The following DDAH1 variants were observed in gnomAD, a reference collection of about 807,000 sequenced individuals.
DDAH1 encodes the protein N(G),N(G)-dimethylarginine dimethylaminohydrolase 1.
Under a neutral mutation model 28.8 loss-of-function variants are expected in DDAH1, and 19 were observed. The ratio of observed to expected loss-of-function variants is 0.66; its 90% CI spans 0.46 to 0.97. DDAH1 has a LOEUF of 0.97. DDAH1 is among the 50% of genes least tolerant of loss of function. The pLI, the probability that DDAH1 is intolerant of heterozygous loss-of-function variation, is 0.00. For missense variants in DDAH1, 326 were observed against 375.9 expected (o/e 0.87, Z 1.10); for synonymous variants, 153 against 154.4 (o/e 0.99, Z 0.07).
chr1:85,360,300 C>A (rs899551623), intron 1 of DDAH1, among the ~76,000 whole-genome samples: 1 of 152,106 alleles, frequency 6.6e-6, no homozygotes, highest in Admixed American at 6.5e-5. Context: ...TGACTCAGAA[C>A]AATAAAAAAT....
At chr1:85,400,377 T>A (rs958097575) in intron 1 of DDAH1, among the ~76,000 whole-genome samples, 2 of 151,698 alleles carry the variant, frequency 1.3e-5, no homozygotes, top group Admixed American at 6.6e-5. Flanking sequence ...TTGTTTTTTG[T>A]ATTTTTAGTA....
At chr1:85,349,928 TATTATTCC>T (rs1220582092) in intron 4 of DDAH1, among the ~76,000 whole-genome samples, 1 of 152,214 alleles carries the variant, frequency 6.6e-6, no homozygotes, top group Non-Finnish European at 1.5e-5. Flanking sequence ...CTTAAAATGT[TATTATTCC>T]AAATGCAAAT....
At chr1:85,517,003 T>G (rs1295898503) in intron 1 of DDAH1, among the ~76,000 whole-genome samples, 1 of 151,572 alleles carries the variant, frequency 6.6e-6, no homozygotes, top group East Asian at 1.9e-4. Flanking sequence ...ATCATTCTAC[T>G]ACTATATAGC....
chr1:85,527,235 T>A (rs1657903155), intron 1 of DDAH1, among the ~76,000 whole-genome samples: 1 of 152,154 alleles, frequency 6.6e-6, no homozygotes, highest in South Asian at 2.1e-4. Flanking sequence ...AAAGCGAGTT[T>A]GATGGACTCT....
At position 85,428,509 on chromosome 1, in the gene DDAH1, C is replaced by T. The variant is rs181549107; in HGVS notation, c.303+36234G>A. ...CTCCCACCTGGTCCCTCCCATGGCA[C>T]GTGGGAATTATGGGAGCTACAAATT... is the stretch of plus-strand genomic sequence containing the variant. On this transcript the variant is annotated intron_variant, in intron 1 of 5. Transcript: ENST00000284031. 1.5e-3 allele frequency among the ~76,000 whole-genome samples: 234 copies of T among 152,222 alleles called. 1 individual carries two copies. Among genetic ancestry groups the T allele is most frequent in the South Asian group, 0.013 (62 of 4,824 alleles).
At chr1:85,382,281 AT>A (rs1020046757) in intron 1 of DDAH1, among the ~76,000 whole-genome samples, 2 of 152,220 alleles carry the variant, frequency 1.3e-5, no homozygotes, top group African/African-American at 2.4e-5. Flanking sequence ...TGGATGGAAG[AT>A]CAAACCAGCC....
rs1651940362 is a variant in DDAH1 at position 85,398,939 on chromosome 1, G to C, written c.304-40092C>G. The C allele has an allele frequency of 2.6e-5, 4 of 152,216 alleles. No homozygotes were observed. In the South Asian group the frequency reaches 8.3e-4, roughly 32 times the overall value. 9.4% of individuals were successfully genotyped at this position (152,216 alleles called of 1,614,324 possible). A position where few individuals can be genotyped will look rare whatever the true frequency, so the allele number is the denominator to read the frequency against. On this transcript the variant is annotated intron_variant, in intron 1 of 5. Transcript: ENST00000284031. ...CATCCCTAATATCCCTAATGCAACTGTTTGTTCAAATTGTACTAGTGATCT... is the reference window on the plus strand; with the variant it reads ...CATCCCTAATATCCCTAATGCAACTCTTTGTTCAAATTGTACTAGTGATCT...
chr1:85,410,153 C>T (rs1036988803), intron 1 of DDAH1, among the ~76,000 whole-genome samples: 2 of 151,942 alleles, frequency 1.3e-5, no homozygotes, highest in African/African-American at 4.8e-5. Context: ...CACTGCCAAA[C>T]ACCTGTAGTC....
At chr1:85,491,950 T>C (rs1175660949) in intron 2 of DDAH1, among the ~76,000 whole-genome samples, 1 of 152,344 alleles carries the variant, frequency 6.6e-6, no homozygotes, top group South Asian at 2.1e-4. Context: ...ATATGGCAAA[T>C]AATAATAGCA....
At chr1:85,486,107 T>C (rs1656196052) in intron 2 of DDAH1, among the ~76,000 whole-genome samples, 1 of 152,232 alleles carries the variant, frequency 6.6e-6, no homozygotes, top group Non-Finnish European at 1.5e-5. Context: ...AGCAAATGCG[T>C]ATCTGAGGTT....
chr1:85,390,632 C>A (rs1651500885), intron 1 of DDAH1, among the ~76,000 whole-genome samples: 1 of 152,164 alleles, frequency 6.6e-6, no homozygotes, highest in Admixed American at 6.5e-5. Context: ...ACAGTGCCAG[C>A]TTCTTAGACG....
At chr1:85,431,420 CCTT>C (rs1653683606) in intron 1 of DDAH1, among the ~76,000 whole-genome samples, 1 of 152,170 alleles carries the variant, frequency 6.6e-6, no homozygotes, top group Non-Finnish European at 1.5e-5. Flanking sequence ...AAACACTTCA[CCTT>C]CTTTGTCTGA....
intron 1 of DDAH1, among the ~76,000 whole-genome samples, chr1:85,542,283 T>C (rs1658493585): frequency 1.3e-5 from 2 of 152,198 alleles, no homozygotes; most frequent in Non-Finnish European, 2.9e-5. Flanking sequence ...TGTTGTGTCA[T>C]GATCTTTGAA....
At chr1:85,324,975 T>G in intron 4 of DDAH1, 92 bp from the exon 5 acceptor site, 1 of 1,463,446 alleles carries the variant, frequency 6.8e-7, no homozygotes, top group Non-Finnish European at 9.3e-7. Flanking sequence ...AGCTTGGAAC[T>G]GACACTTTAG....
chr1:85,343,499 A>ATTGT (rs1648639301), intron 4 of DDAH1, among the ~76,000 whole-genome samples: 1 of 152,196 alleles, frequency 6.6e-6, no homozygotes, highest in Admixed American at 6.5e-5. Context: ...TAAAAAAATC[A>ATTGT]TTGTTTTGTG....
intron 1 of DDAH1, among the ~76,000 whole-genome samples, chr1:85,462,135 A>G (rs1446090733): frequency 6.6e-6 from 1 of 152,242 alleles, no homozygotes; most frequent in Admixed American, 6.5e-5. Flanking sequence ...AATAGTGATA[A>G]CAGTAAGCTG....
At chr1:85,406,841 T>C (rs1261675511) in intron 1 of DDAH1, among the ~76,000 whole-genome samples, 4 of 152,068 alleles carry the variant, frequency 2.6e-5, no homozygotes, top group African/African-American at 9.6e-5. Context: ...GTTTTAAATT[T>C]TTATATTAAA....
intron 1 of DDAH1, among the ~76,000 whole-genome samples, chr1:85,546,123 TG>T (rs34149542): frequency 0.12 from 18,065 of 149,096 alleles, 1,129 homozygotes; most frequent in East Asian, 0.15. Flanking sequence ...ATGATTTGAA[TG>T]TGTCTCCAAA....
chr1:85,395,688 A>C (rs1651778330), intron 1 of DDAH1, among the ~76,000 whole-genome samples: 1 of 152,068 alleles, frequency 6.6e-6, no homozygotes, highest in African/African-American at 2.4e-5. Flanking sequence ...AAAAAAAAGA[A>C]AAAAGAAAAA....
Sources: gnomAD v4.1 joint callset for allele counts (sites outside exome capture counted in the v4.1 genomes callset) on GRCh38, gnomAD v4.1.1 for gene constraint, MANE v1.5 for transcripts, NCBI Gene and HGNC (gene_info 2026-07-23, HGNC 2026-07-21) for gene names.